PCDHA6: variants seen among roughly 807,000 people sequenced by gnomAD.
PCDHA6 encodes the protein protocadherin alpha 6.
In PCDHA6, 55 loss-of-function variants were observed where a neutral mutation model predicts 60.3. The ratio of observed to expected loss-of-function variants is 0.91; its 90% CI spans 0.73 to 1.14. The LOEUF (loss-of-function observed/expected upper bound fraction) is 1.14. Ranked by LOEUF, PCDHA6 falls within the 50% of genes most tolerant of loss-of-function variation. PCDHA6 has a pLI of 0.00. For missense variants in PCDHA6, 1,327 were observed against 1,256.5 expected, an observed-to-expected ratio of 1.06 and a Z score of -0.85; for synonymous variants, 652 against 557.9, an observed-to-expected ratio of 1.17 and a Z score of -2.38.
intron 1 of PCDHA6, among the ~76,000 whole-genome samples, chr5:140,964,393 C>T (rs782008532): frequency 6.6e-6 from 1 of 152,098 alleles, no homozygotes; most frequent in Admixed American, 6.5e-5. Context: ...GTTTTTCTCC[C>T]AAGACATGAC....
At chr5:140,842,602 G>C in intron 1 of PCDHA6, 1 of 1,547,148 alleles carries the variant, frequency 6.5e-7, no homozygotes, top group Non-Finnish European at 8.8e-7. Context: ...TGGTAACCGC[G>C]CGGGACGGGG....
At chr5:140,862,968 G>C in intron 1 of PCDHA6, 1 of 544,810 alleles carries the variant, frequency 1.8e-6, no homozygotes, top group Non-Finnish European at 3.6e-6. Context: ...GTGGATGCAG[G>C]CCACTTGGTG....
chr5:140,946,634 A>ATATAT (rs1554217761), intron 1 of PCDHA6, among the ~76,000 whole-genome samples: 3 of 147,374 alleles, frequency 2.0e-5, no homozygotes, highest in Admixed American at 6.8e-5. Context: ...ATATATATAC[A>ATATAT]ATGGAATACT....
At chr5:140,978,909 C>G (rs782321430) in intron 1 of PCDHA6, 40 bp from the exon 2 acceptor site, 2 of 1,613,660 alleles carry the variant, frequency 1.2e-6, no homozygotes, top group South Asian at 2.2e-5. Context: ...AGAACATTGT[C>G]TTGTCATTTT....
chr5:140,968,185 C>T (rs1554230464), intron 1 of PCDHA6: 1 of 1,614,034 alleles, frequency 6.2e-7, no homozygotes, highest in East Asian at 2.2e-5. Context: ...TGGAGGACTC[C>T]TATTCCATCT....
At chr5:140,955,407 C>T (rs1453424058) in intron 1 of PCDHA6, among the ~76,000 whole-genome samples, 1 of 152,098 alleles carries the variant, frequency 6.6e-6, no homozygotes, top group African/African-American at 2.4e-5. Flanking sequence ...ATACAGTTCT[C>T]ATGATAGTGA....
chr5:140,899,171 A>G (rs1302003338), intron 1 of PCDHA6, among the ~76,000 whole-genome samples: 1 of 152,058 alleles, frequency 6.6e-6, no homozygotes, highest in Non-Finnish European at 1.5e-5. Context: ...TCCTAATTGA[A>G]TACCCTTTAT....
At chr5:140,842,814 G>C (rs1581016277) in intron 1 of PCDHA6, 1 of 1,593,900 alleles carries the variant, frequency 6.3e-7, no homozygotes, top group African/African-American at 1.3e-5. Context: ...GTGGAGCGGC[G>C]GGTGGGCGAG....
chr5:141,010,938 A>G lies in PCDHA6; in HGVS notation c.*1001A>G, dbSNP rs1210392691. ...TCAAAAGAGAATTCAGTCTACAGCC[A>G]TTTAAATGATCATTGCTGCTACAGA... On this transcript the variant is annotated 3_prime_UTR_variant, in exon 4 of 4. Coordinates refer to ENST00000529310, the MANE Select transcript of PCDHA6 (RefSeq NM_018909.4). 6 of 153,824 alleles carry G rather than the reference A, an allele frequency of 3.9e-5. No homozygotes were observed. Among genetic ancestry groups the G allele is most frequent in the African/African-American group, 1.4e-4 (6 of 41,470 alleles). The allele number at this position is 153,824 out of a possible 1,614,324, so 9.5% of individuals were successfully genotyped here. A position where few individuals can be genotyped will look rare whatever the true frequency, so the allele number is the denominator to read the frequency against.
chr5:140,868,172 ATC>A (rs1554161787), intron 1 of PCDHA6: 1 of 152,152 alleles, frequency 6.6e-6, no homozygotes. Context: ...AAATTTTGAT[ATC>A]TCATATTATG....
intron 1 of PCDHA6, chr5:140,877,232 C>A: frequency 6.2e-6 from 10 of 1,613,680 alleles, no homozygotes; most frequent in Non-Finnish European, 7.6e-6. Context: ...TCGGTGGGTG[C>A]GGGCCACGTG....
At chr5:140,893,898 C>T (rs2064223960) in intron 1 of PCDHA6, among the ~76,000 whole-genome samples, 9 of 152,114 alleles carry the variant, frequency 5.9e-5, no homozygotes, top group Admixed American at 5.2e-4. Flanking sequence ...GTTACTTTAC[C>T]TTCTGAATTT....
At chr5:140,834,374 A>G (rs1309560066) in intron 1 of PCDHA6, 2 of 1,560,000 alleles carry the variant, frequency 1.3e-6, no homozygotes, top group Non-Finnish European at 1.7e-6. Flanking sequence ...AAACAAGCCA[A>G]TAATTTGAAA....
At chr5:140,957,549 C>G (rs563057107) in intron 1 of PCDHA6, among the ~76,000 whole-genome samples, 1 of 152,156 alleles carries the variant, frequency 6.6e-6, no homozygotes, top group South Asian at 2.1e-4. Context: ...AAAGTATTCT[C>G]TGTGGAAAAG....
chr5:140,884,840 A>G (rs2060380495), intron 1 of PCDHA6: 7 of 888,512 alleles, frequency 7.9e-6, no homozygotes, highest in Non-Finnish European at 1.1e-5. Flanking sequence ...TATCCTTCAG[A>G]GTGAAATCTT....
intron 1 of PCDHA6, among the ~76,000 whole-genome samples, chr5:140,891,039 A>AC (rs143686625): frequency 6.6e-6 from 1 of 152,040 alleles, no homozygotes; most frequent in East Asian, 1.9e-4. Flanking sequence ...CTTAGGTGTG[A>AC]CCCCCACAGC....
intron 1 of PCDHA6, chr5:140,863,305 T>C: frequency 1.4e-6 from 2 of 1,463,102 alleles, no homozygotes; most frequent in Non-Finnish European, 1.9e-6. Context: ...CATCGCCATC[T>C]GCGTGGTGTC....
chr5:140,867,059 TTATA>T (rs782538902), intron 1 of PCDHA6: 1 of 152,152 alleles, frequency 6.6e-6, no homozygotes, highest in Non-Finnish European at 1.5e-5. Flanking sequence ...CAGTACTACT[TTATA>T]TATTCACAAA....
At chr5:140,876,906 G>T (rs782762108) in intron 1 of PCDHA6, 13 of 1,613,908 alleles carry the variant, frequency 8.1e-6, no homozygotes, top group South Asian at 2.2e-5. Flanking sequence ...TCACGGTGTC[G>T]GCATGGGACG....
Sources: allele counts gnomAD v4.1 joint callset (sites outside exome capture counted in the v4.1 genomes callset), GRCh38; gene constraint gnomAD v4.1.1; transcripts MANE v1.5; gene names NCBI Gene and HGNC (gene_info 2026-07-23, HGNC 2026-07-21).